PRKN: variants seen among roughly 807,000 people sequenced by gnomAD.
PRKN encodes the protein E3 ubiquitin-protein ligase parkin.
A neutral mutation model predicts 59.5 loss-of-function variants in PRKN; 56 were observed. The ratio of observed to expected loss-of-function variants is 0.94; its 90% CI spans 0.76 to 1.18. The LOEUF (loss-of-function observed/expected upper bound fraction) is 1.18, where lower values mean the gene tolerates loss of function less well. Ranked by LOEUF, PRKN falls within the 50% of genes most tolerant of loss-of-function variation. The pLI is 0.00. For missense variants in PRKN, 657 were observed against 596.4 expected (o/e 1.10, Z -1.06); for synonymous variants, 250 against 222.1 (o/e 1.13, Z -1.12).
intron 4 of PRKN, among the ~76,000 whole-genome samples, chr6:162,165,815 G>A (rs773254335): frequency 6.6e-6 from 1 of 151,728 alleles, no homozygotes; most frequent in Non-Finnish European, 1.5e-5. Context: ...TTGGGAGGCC[G>A]AGGCAGGCGG....
intron 6 of PRKN, among the ~76,000 whole-genome samples, chr6:161,918,838 G>C (rs1778674013): frequency 6.6e-6 from 1 of 152,136 alleles, no homozygotes; most frequent in Admixed American, 6.5e-5. Flanking sequence ...AGTAATTAGA[G>C]AACGTCTATA....
chr6:161,961,206 C>G (rs1374136445), intron 6 of PRKN, among the ~76,000 whole-genome samples: 1 of 152,078 alleles, frequency 6.6e-6, no homozygotes, highest in Non-Finnish European at 1.5e-5. Flanking sequence ...CACTTTTGTT[C>G]CGGCTCAGAG....
At chr6:162,624,180 G>A (rs1396349087) in intron 1 of PRKN, among the ~76,000 whole-genome samples, 8 of 151,042 alleles carry the variant, frequency 5.3e-5, no homozygotes, top group African/African-American at 7.3e-5. Flanking sequence ...CCCAGGAGGC[G>A]GAGGTTGCAG....
chr6:161,783,148 C>T (rs1790279476), intron 7 of PRKN, among the ~76,000 whole-genome samples: 2 of 152,112 alleles, frequency 1.3e-5, no homozygotes, highest in South Asian at 4.1e-4. Flanking sequence ...GTTGGTATCA[C>T]TCAGTAACAG....
At chr6:162,701,536 C>T (rs1778151940) in intron 1 of PRKN, among the ~76,000 whole-genome samples, 1 of 151,592 alleles carries the variant, frequency 6.6e-6, no homozygotes, top group Admixed American at 6.6e-5. Context: ...CAGTAATTTA[C>T]ATGAACTATT....
intron 7 of PRKN, among the ~76,000 whole-genome samples, chr6:161,620,229 T>C (rs1484335179): frequency 2.0e-5 from 3 of 151,526 alleles, no homozygotes; most frequent in African/African-American, 7.3e-5. Context: ...CTTGAACTCC[T>C]GACCTCAGGT....
At chr6:162,381,963 G>A (rs1434950727) in intron 2 of PRKN, among the ~76,000 whole-genome samples, 1 of 152,086 alleles carries the variant, frequency 6.6e-6, no homozygotes, top group Non-Finnish European at 1.5e-5. Context: ...TGCAGATCAG[G>A]AGACACACAA....
chr6:161,878,568 G>T (rs1030036577), intron 6 of PRKN, among the ~76,000 whole-genome samples: 4 of 152,136 alleles, frequency 2.6e-5, no homozygotes, highest in Non-Finnish European at 5.9e-5. Context: ...CTACTAATTT[G>T]CAGGGGCCAT....
At chr6:161,568,026 C>T (rs1353036813) in intron 8 of PRKN, among the ~76,000 whole-genome samples, 3 of 152,158 alleles carry the variant, frequency 2.0e-5, no homozygotes, top group East Asian at 3.8e-4. Flanking sequence ...ACATTTATGC[C>T]TGCTATTCTG....
At chr6:161,680,763 A>T (rs1416872470) in intron 7 of PRKN, among the ~76,000 whole-genome samples, 333 of 10,140 alleles carry the variant, frequency 0.033, 35 homozygotes, top group African/African-American at 0.11. Flanking sequence ...ATATATATAT[A>T]TATATATATA....
At position 161,384,756 on chromosome 6, in the gene PRKN, C is replaced by A. The variant is rs149769344; in HGVS notation, c.1167+2038G>T. 2.1e-3 allele frequency among the ~76,000 whole-genome samples: 323 copies of A among 152,258 alleles called. 1 individual carries two copies. Among genetic ancestry groups the A allele is most frequent in the African/African-American group, 7.2e-3 (300 of 41,552 alleles). On this transcript the variant is annotated intron_variant, in intron 10 of 11. Transcript: ENST00000366898. ...TACCACACCATCCTGCTGTCCTGAC[C>A]AACTCTGACCCATCTTCTGTGACTT...
At chr6:161,878,258 T>A (rs1794809383) in intron 6 of PRKN, among the ~76,000 whole-genome samples, 1 of 152,200 alleles carries the variant, frequency 6.6e-6, no homozygotes, top group Non-Finnish European at 1.5e-5. Flanking sequence ...TCTATTGAAG[T>A]ATAATGTATA....
At chr6:162,204,351 G>C (rs1784848874) in intron 3 of PRKN, among the ~76,000 whole-genome samples, 1 of 152,130 alleles carries the variant, frequency 6.6e-6, no homozygotes, top group African/African-American at 2.4e-5. Context: ...TCTCAGAGCT[G>C]AGTGACTCTG....
chr6:161,740,282 A>C lies in PRKN; in HGVS notation c.871+45490T>G, dbSNP rs181008959. ...CCTCGAATGGGAGCTATGCATACGC[A>C]CTTTGTCCCTTTGAACCTAAGGATG... On this transcript the variant is annotated intron_variant, in intron 7 of 11. Coordinates refer to ENST00000366898, the MANE Select transcript of PRKN (RefSeq NM_004562.3). Among the ~76,000 whole-genome samples the C allele has an allele frequency of 2.4e-4, 37 of 152,340 alleles. No homozygotes were observed. In the Middle Eastern group the frequency reaches 0.014, roughly 56 times the overall value.
At chr6:161,591,983 A>G (rs538233638) in intron 7 of PRKN, among the ~76,000 whole-genome samples, 41 of 152,266 alleles carry the variant, frequency 2.7e-4, no homozygotes, top group African/African-American at 8.4e-4. Context: ...CAAAGTGACA[A>G]TTGCTCAAGT....
chr6:162,569,765 T>C, intron 1 of PRKN: 1 of 503,502 alleles, frequency 2.0e-6, no homozygotes, highest in East Asian at 3.7e-5. Flanking sequence ...GCCCCTCTGG[T>C]GGCTGCCCCA....
intron 5 of PRKN, among the ~76,000 whole-genome samples, chr6:162,041,572 T>C (rs112041845): frequency 0.017 from 2,519 of 152,294 alleles, 56 homozygotes; most frequent in African/African-American, 0.058. Flanking sequence ...TGTGGTTTAG[T>C]TTAGCTTTGC....
rs1788036848 is a variant in PRKN at position 161,738,028 on chromosome 6, A to G, written c.871+47744T>C. On this transcript the variant is annotated intron_variant, in intron 7 of 11. Coordinates refer to ENST00000366898, the MANE Select transcript of PRKN (RefSeq NM_004562.3). ...TCCTATTTGAACCTGGCCTGCCTTGATTGATAAGACTTCAATATCAAATGT... is the reference window on the plus strand; with the variant it reads ...TCCTATTTGAACCTGGCCTGCCTTGGTTGATAAGACTTCAATATCAAATGT... 2.0e-5 allele frequency among the ~76,000 whole-genome samples: 3 copies of G among 152,182 alleles called. No homozygotes were observed. In the South Asian group the frequency reaches 6.2e-4, roughly 32 times the overall value.
At chr6:161,794,351 A>G (rs1790753907) in intron 6 of PRKN, among the ~76,000 whole-genome samples, 1 of 152,052 alleles carries the variant, frequency 6.6e-6, no homozygotes, top group Non-Finnish European at 1.5e-5. Flanking sequence ...AGAGCAATGG[A>G]TTAGGTCTCA....
Sources: allele counts gnomAD v4.1 joint callset (sites outside exome capture counted in the v4.1 genomes callset), GRCh38; gene constraint gnomAD v4.1.1; transcripts MANE v1.5; gene names NCBI Gene and HGNC (gene_info 2026-07-23, HGNC 2026-07-21).